MINDY2: variants seen among roughly 807,000 people sequenced by gnomAD.
MINDY2 encodes ubiquitin carboxyl-terminal hydrolase MINDY-2.
In MINDY2, 52 loss-of-function variants were observed where a neutral mutation model predicts 68.2. The ratio of observed to expected loss-of-function variants is 0.76; its 90% CI spans 0.61 to 0.96. The LOEUF (loss-of-function observed/expected upper bound fraction) is 0.96, where lower values mean the gene tolerates loss of function less well. Among genes scored for constraint, MINDY2 ranks in the 40% least tolerant of loss-of-function variants. MINDY2 has a pLI of 0.00. For missense variants in MINDY2, 881 were observed against 773.4 expected (o/e 1.14, Z -1.65); for synonymous variants, 372 against 303.0 (o/e 1.23, Z -2.36).
In MINDY2 at chr15:58,856,687, C is replaced by G. The variant is rs1708707811; in HGVS notation, c.*2077C>G. The G allele has an allele frequency of 6.6e-6, 1 of 152,196 alleles. No individual in the cohort carries two copies. The allele number at this position is 152,196 out of a possible 1,614,324, so 9.4% of individuals were successfully genotyped here. A position where few individuals can be genotyped will look rare whatever the true frequency, so the allele number is the denominator to read the frequency against. ...CTCAATCCAAGTTTACTCTTGATAT[C>G]ACTCTGTTGGCTGAAGGAGGTAACT... On this transcript the variant is annotated 3_prime_UTR_variant, in exon 9 of 9. Transcript: ENST00000559228.
chr15:58,835,776 G>T (rs2031965583), intron 6 of MINDY2, among the ~76,000 whole-genome samples: 1 of 152,190 alleles, frequency 6.6e-6, no homozygotes, highest in Non-Finnish European at 1.5e-5. Flanking sequence ...AGGCCCTGAG[G>T]AAGGAAACAG....
rs1438495285 is a variant in MINDY2, at chr15:58,861,067, C to G, written c.*6457C>G. The G allele has an allele frequency of 6.6e-6, 1 of 152,196 alleles. No individual in the cohort carries two copies. Among genetic ancestry groups the G allele is most frequent in the Admixed American group, 6.5e-5 (1 of 15,278 alleles). The allele number at this position is 152,196 out of a possible 1,614,324, so 9.4% of individuals were successfully genotyped here. A position where few individuals can be genotyped will look rare whatever the true frequency, so the allele number is the denominator to read the frequency against. ...GGAATCATGTTTGCTTGTGAAACTT[C>G]AGAGGTACCCTGAAAGTCATTTCCT... On this transcript the variant is annotated 3_prime_UTR_variant, in exon 9 of 9. Transcript: ENST00000559228.
chr15:58,845,272 G>T (rs1337791814), intron 6 of MINDY2, among the ~76,000 whole-genome samples: 2 of 152,088 alleles, frequency 1.3e-5, no homozygotes, highest in East Asian at 1.9e-4. Flanking sequence ...CAGGTGTGAT[G>T]GTGGGTATCT....
At chr15:58,797,887 T>G (rs1250281991) in intron 2 of MINDY2, among the ~76,000 whole-genome samples, 4 of 152,092 alleles carry the variant, frequency 2.6e-5, no homozygotes, top group Admixed American at 2.0e-4. Flanking sequence ...GTACAAAGGA[T>G]GAGATTGGTG....
intron 1 of MINDY2, among the ~76,000 whole-genome samples, chr15:58,776,170 G>A (rs143687955): frequency 9.1e-4 from 139 of 152,234 alleles, no homozygotes; most frequent in African/African-American, 3.2e-3. Flanking sequence ...AGTAAATATG[G>A]TAGTACTACA....
intron 3 of MINDY2, among the ~76,000 whole-genome samples, chr15:58,806,384 G>T (rs1264618923): frequency 1.4e-5 from 2 of 146,984 alleles, no homozygotes; most frequent in South Asian, 4.3e-4. Flanking sequence ...TTGAGACAGG[G>T]TCTCACTCTG....
At chr15:58,815,929 C>T (rs750170877) in intron 4 of MINDY2, among the ~76,000 whole-genome samples, 1 of 151,710 alleles carries the variant, frequency 6.6e-6, no homozygotes, top group African/African-American at 2.4e-5. Flanking sequence ...CCGTCTGCCT[C>T]GGCCTCCCAA....
At position 58,819,239 on chromosome 15, in the gene MINDY2, A is replaced by G. The variant is rs149236816; in HGVS notation, c.1123-2478A>G. ...CAAGATGGGAGAATTGCTTGAGCCC[A>G]GGAGTTTGAGACCAGCCTGGACAAC... On this transcript the variant is annotated intron_variant, in intron 4 of 8. Transcript: ENST00000559228. Among the ~76,000 whole-genome samples the G allele has an allele frequency of 4.6e-3, 706 of 152,324 alleles. 6 individuals are homozygous for G. The highest frequency in any genetic ancestry group is 0.016 in the African/African-American group (680 of 41,578).
intron 2 of MINDY2, among the ~76,000 whole-genome samples, chr15:58,797,900 A>C (rs1281886553): frequency 6.6e-6 from 1 of 152,212 alleles, no homozygotes; most frequent in African/African-American, 2.4e-5. Flanking sequence ...GATTGGTGCA[A>C]AAATAAAGCC....
chr15:58,806,994 T>C (rs1903059882), intron 3 of MINDY2, among the ~76,000 whole-genome samples: 1 of 152,266 alleles, frequency 6.6e-6, no homozygotes, highest in South Asian at 2.1e-4. Flanking sequence ...ATTTGAATGA[T>C]TTCTGTTTAC....
At chr15:58,803,422 C>T (rs1391773379) in intron 3 of MINDY2, among the ~76,000 whole-genome samples, 10 of 150,264 alleles carry the variant, frequency 6.7e-5, no homozygotes, top group Non-Finnish European at 7.4e-5. Context: ...GAGCTGGAAT[C>T]GCGCCACTAT....
At chr15:58,803,667 T>G (rs560094652) in intron 3 of MINDY2, among the ~76,000 whole-genome samples, 4 of 151,752 alleles carry the variant, frequency 2.6e-5, no homozygotes, top group African/African-American at 9.7e-5. Flanking sequence ...AATACAAAAA[T>G]TGGCCGAGTG....
At chr15:58,838,418 A>T (rs1325168476) in intron 6 of MINDY2, among the ~76,000 whole-genome samples, 1 of 151,842 alleles carries the variant, frequency 6.6e-6, no homozygotes, top group African/African-American at 2.4e-5. Context: ...AAAAAGATAT[A>T]CTTTCAGCAA....
chr15:58,788,501 A>G (rs1242739472), intron 2 of MINDY2, among the ~76,000 whole-genome samples: 2 of 152,182 alleles, frequency 1.3e-5, no homozygotes, highest in Non-Finnish European at 2.9e-5. Context: ...GAAGGAAGTA[A>G]TGTATTAAAT....
In MINDY2 at chr15:58,847,187, G is replaced by C. The variant is rs2032577541; in HGVS notation, c.1369-110G>C. On this transcript the variant is annotated intron_variant, in intron 6 of 8. Transcript: ENST00000559228. ...TTGTGTTGTACAGATCTAAACAGTAGGAATGTTTAATATATTCTGAAGATA... is the reference window on the plus strand; with the variant it reads ...TTGTGTTGTACAGATCTAAACAGTACGAATGTTTAATATATTCTGAAGATA... 1.7e-5 allele frequency: 14 copies of C among 803,808 alleles called. No individual in the cohort carries two copies. The Admixed American group carries it at 2.7e-4, about 16-fold the overall frequency. The allele number at this position is 803,808 out of a possible 1,614,324, so 49.8% of individuals were successfully genotyped here. A position where few individuals can be genotyped will look rare whatever the true frequency, so the allele number is the denominator to read the frequency against.
At position 58,842,709 on chromosome 15, in the gene MINDY2, G is replaced by C. The variant is rs1049444931; in HGVS notation, c.1369-4588G>C. On this transcript the variant is annotated intron_variant, in intron 6 of 8. Coordinates refer to ENST00000559228, the MANE Select transcript of MINDY2 (RefSeq NM_001040450.3). ...GATACTCATGAATATAATATCTTCT[G>C]TTTATGAAGCAGTTAGAGGCTTTGT... Among the ~76,000 whole-genome samples the C allele has an allele frequency of 3.3e-5, 5 of 152,270 alleles. No individual in the cohort carries two copies. The South Asian group carries it at 1.0e-3, about 32-fold the overall frequency.
chr15:58,832,188 A>G (rs2031760673), intron 6 of MINDY2, among the ~76,000 whole-genome samples: 1 of 151,814 alleles, frequency 6.6e-6, no homozygotes, highest in Non-Finnish European at 1.5e-5. Context: ...TTTCTGAGAG[A>G]AAAAAAAGAT....
chr15:58,799,740 A>C (rs1422307736), intron 2 of MINDY2, among the ~76,000 whole-genome samples: 7 of 152,248 alleles, frequency 4.6e-5, no homozygotes, highest in African/African-American at 1.7e-4. Context: ...TGTCACTAGA[A>C]TATGAGAGCA....
At chr15:58,799,850 G>A (rs1902524202) in intron 2 of MINDY2, among the ~76,000 whole-genome samples, 1 of 152,172 alleles carries the variant, frequency 6.6e-6, no homozygotes, top group African/African-American at 2.4e-5. Flanking sequence ...AGGTGTGGAA[G>A]AGATGTAGGG....
Sources: gnomAD v4.1 joint callset for allele counts (sites outside exome capture counted in the v4.1 genomes callset) on GRCh38, gnomAD v4.1.1 for gene constraint, MANE v1.5 for transcripts, NCBI Gene and HGNC (gene_info 2026-07-23, HGNC 2026-07-21) for gene names.